Variants in CNTLN observed in about 807,000 individuals in gnomAD.
CNTLN encodes the protein centlein, also known as centlein, centrosomal protein.
Under a neutral mutation model 180.0 loss-of-function variants are expected in CNTLN, and 212 were observed. That is an observed-to-expected ratio of 1.18 (90% CI 1.05 to 1.32). The LOEUF (loss-of-function observed/expected upper bound fraction) is 1.32, where lower values mean the gene tolerates loss of function less well. CNTLN is among the 40% of genes most tolerant of loss of function. The probability of loss-of-function intolerance (pLI) is 0.00; values close to 1 mark genes in which losing one functional copy is unlikely to be tolerated. For missense variants in CNTLN, 2,095 were observed against 1,610.9 expected (o/e 1.30, Z -5.14); for synonymous variants, 722 against 563.1 (o/e 1.28, Z -3.99).
At chr9:17,522,275 G>A in the CNTLN span, among the ~76,000 whole-genome samples, 2 of 151,884 alleles carry the variant, frequency 1.3e-5, no homozygotes, top group Non-Finnish European at 2.9e-5. Context: ...TGCGTAATGG[G>A]ATGACTACCG....
chr9:17,199,089 T>A (rs956006717), intron 2 of CNTLN, among the ~76,000 whole-genome samples: 4 of 152,112 alleles, frequency 2.6e-5, no homozygotes, highest in Non-Finnish European at 4.4e-5. Flanking sequence ...GTTCTAGATC[T>A]ATGAGGAATT....
intron 8 of CNTLN, among the ~76,000 whole-genome samples, chr9:17,328,181 A>G (rs531914290): frequency 1.3e-5 from 2 of 152,098 alleles, no homozygotes; most frequent in Non-Finnish European, 1.5e-5. Context: ...ATATCTTTCC[A>G]TTTTAGCCTT....
chr9:17,423,356 A>T (rs1415188257), intron 18 of CNTLN, among the ~76,000 whole-genome samples: 1 of 152,074 alleles, frequency 6.6e-6, no homozygotes, highest in Non-Finnish European at 1.5e-5. Flanking sequence ...GCCGTACAGG[A>T]GCTAGGGCCT....
intron 23 of CNTLN, among the ~76,000 whole-genome samples, chr9:17,468,966 T>A (rs1831908067): frequency 6.6e-6 from 1 of 151,738 alleles, no homozygotes; most frequent in Admixed American, 6.6e-5. Context: ...TTTCAAAGAT[T>A]ATATAATAGG....
At chr9:17,301,930 TCATAA>T (rs1818384613) in intron 7 of CNTLN, 1 of 927,908 alleles carries the variant, frequency 1.1e-6, no homozygotes, top group African/African-American at 1.8e-5. Flanking sequence ...TTTTAAAAAA[TCATAA>T]CATATAACTA....
chr9:17,189,013 A>AT (rs549553487), intron 2 of CNTLN, among the ~76,000 whole-genome samples: 2 of 127,068 alleles, frequency 1.6e-5, no homozygotes, highest in African/African-American at 6.0e-5. Flanking sequence ...GGAATTATGA[A>AT]TTTTTTTTCT....
chr9:17,415,454 T>C (rs958700663), intron 16 of CNTLN, among the ~76,000 whole-genome samples: 1 of 152,222 alleles, frequency 6.6e-6, no homozygotes. Flanking sequence ...TCTTTGGAGT[T>C]GATTTTGTAT....
intron 2 of CNTLN, among the ~76,000 whole-genome samples, chr9:17,171,258 A>C (rs1220442159): frequency 1.3e-5 from 2 of 152,124 alleles, no homozygotes; most frequent in African/African-American, 4.8e-5. Flanking sequence ...CCTTGCATTG[A>C]TATCTGTGCA....
chr9:17,244,634 C>G (rs1825696592), intron 5 of CNTLN, among the ~76,000 whole-genome samples: 1 of 152,040 alleles, frequency 6.6e-6, no homozygotes, highest in Non-Finnish European at 1.5e-5. Flanking sequence ...TTTCATTTAC[C>G]TGTAGCATTA....
At chr9:17,188,813 A>C (rs1821600299) in intron 2 of CNTLN, among the ~76,000 whole-genome samples, 1 of 151,962 alleles carries the variant, frequency 6.6e-6, no homozygotes. Flanking sequence ...GTATCTTTTA[A>C]ATGTTTATAA....
At chr9:17,304,821 C>T (rs548616973) in intron 7 of CNTLN, among the ~76,000 whole-genome samples, 4 of 151,874 alleles carry the variant, frequency 2.6e-5, no homozygotes, top group South Asian at 2.1e-4. Flanking sequence ...ATAAGTAATC[C>T]GGAGATGGTT....
chr9:17,330,292 T>C (rs1266599918), intron 8 of CNTLN, among the ~76,000 whole-genome samples: 1 of 152,168 alleles, frequency 6.6e-6, no homozygotes, highest in East Asian at 1.9e-4. Context: ...TTGACTGTTT[T>C]GTGAGGCAAT....
intron 5 of CNTLN, among the ~76,000 whole-genome samples, chr9:17,258,559 T>C (rs1826694409): frequency 6.6e-6 from 1 of 150,964 alleles, no homozygotes; most frequent in Non-Finnish European, 1.5e-5. Flanking sequence ...ATCTGTAAAT[T>C]ACCTTGGGCA....
At chr9:17,499,672 G>T (rs1409288854) in intron 25 of CNTLN, among the ~76,000 whole-genome samples, 1 of 152,100 alleles carries the variant, frequency 6.6e-6, no homozygotes, top group East Asian at 1.9e-4. Context: ...AACATAAGTA[G>T]ATTTTACAAA....
chr9:17,152,322 C>G (rs1357079007), intron 2 of CNTLN, among the ~76,000 whole-genome samples: 1 of 152,168 alleles, frequency 6.6e-6, no homozygotes, highest in Non-Finnish European at 1.5e-5. Flanking sequence ...CCCCTAAACA[C>G]TGCTTTAGCT....
intron 13 of CNTLN, among the ~76,000 whole-genome samples, chr9:17,374,746 A>G (rs1824610381): frequency 6.6e-6 from 1 of 151,978 alleles, no homozygotes; most frequent in African/African-American, 2.4e-5. Context: ...CTGTAATCCC[A>G]GTTACTTGGG....
At chr9:17,195,458 C>A (rs563529506) in intron 2 of CNTLN, among the ~76,000 whole-genome samples, 35 of 152,172 alleles carry the variant, frequency 2.3e-4, no homozygotes, top group Non-Finnish European at 4.0e-4. Flanking sequence ...CATCTCAGAA[C>A]GAATACCAAA....
chr9:17,205,030 C>T (rs1001628721), intron 2 of CNTLN, among the ~76,000 whole-genome samples: 4 of 152,172 alleles, frequency 2.6e-5, no homozygotes, highest in African/African-American at 9.7e-5. Context: ...GCAGGTGCCC[C>T]TCCTATCACC....
chr9:17,265,032 T>G, intron 5 of CNTLN, among the ~76,000 whole-genome samples: 2 of 143,874 alleles, frequency 1.4e-5, no homozygotes, highest in Non-Finnish European at 1.5e-5. Context: ...TACCCTTTAT[T>G]TCCTTCTCCT....
Sources: gnomAD v4.1 joint callset for allele counts (sites outside exome capture counted in the v4.1 genomes callset) on GRCh38, gnomAD v4.1.1 for gene constraint, MANE v1.5 for transcripts, NCBI Gene and HGNC (gene_info 2026-07-23, HGNC 2026-07-21) for gene names.